Variants in FLNB observed in about 807,000 individuals in gnomAD.
FLNB encodes filamin B, also known as filamin-B.
In FLNB, 111 loss-of-function variants were observed where a neutral mutation model predicts 250.6. The observed-to-expected ratio is 0.44, with a 90% CI of 0.38 to 0.52. FLNB has a LOEUF of 0.52. Among genes scored for constraint, FLNB ranks in the 20% least tolerant of loss-of-function variants. FLNB has a pLI of 0.00. For synonymous variants in FLNB, 1,302 were observed against 1,372.1 expected, an observed-to-expected ratio of 0.95 and a Z score of 1.13; for missense variants, 2,869 against 3,447.8, an observed-to-expected ratio of 0.83 and a Z score of 4.20.
At chr3:58,055,035 G>T (rs1423170203) in intron 1 of FLNB, among the ~76,000 whole-genome samples, 2 of 152,176 alleles carry the variant, frequency 1.3e-5, no homozygotes, top group African/African-American at 4.8e-5. Flanking sequence ...GGGAGGTTGA[G>T]GTGGGCAGAT....
chr3:58,033,861 AT>A (rs918405931), intron 1 of FLNB, among the ~76,000 whole-genome samples: 1 of 151,630 alleles, frequency 6.6e-6, no homozygotes, highest in Non-Finnish European at 1.5e-5. Flanking sequence ...GTGGTTTCTT[AT>A]TTATTTATTT....
intron 1 of FLNB, among the ~76,000 whole-genome samples, chr3:58,051,886 C>A (rs751416109): frequency 6.6e-6 from 1 of 151,990 alleles, no homozygotes; most frequent in African/African-American, 2.4e-5. Flanking sequence ...GAGAGACTCG[C>A]TTTATTTTAT....
At chr3:58,026,034 G>A (rs560625811) in intron 1 of FLNB, among the ~76,000 whole-genome samples, 5 of 152,326 alleles carry the variant, frequency 3.3e-5, no homozygotes, top group South Asian at 4.1e-4. Context: ...CTTGGTAAAC[G>A]TCAGCTGCTG....
rs373993273 is a variant in FLNB at position 58,170,318 on chromosome 3, T to C, written c.7622-257T>C. On this transcript the variant is annotated intron_variant, in intron 45 of 45. Transcript: ENST00000295956. ...TGAGGTATGTGCTGTTCTCATTCCC[T>C]GTTTACAGATGGGGAAGCTGAGCTA... Among the ~76,000 whole-genome samples the C allele has an allele frequency of 3.3e-4, 51 of 152,288 alleles. No individual in the cohort carries two copies. The South Asian group carries it at 7.9e-3, about 23-fold the overall frequency.
At chr3:58,154,251 A>G (rs1326295995) in intron 39 of FLNB, among the ~76,000 whole-genome samples, 1 of 151,468 alleles carries the variant, frequency 6.6e-6, no homozygotes, top group Non-Finnish European at 1.5e-5. Context: ...GCCGGTTAAG[A>G]TGTATTCAGG....
chr3:58,157,477 G>A (rs574228432), intron 41 of FLNB, among the ~76,000 whole-genome samples: 127 of 152,280 alleles, frequency 8.3e-4, no homozygotes, highest in African/African-American at 2.8e-3. Context: ...ATTTAGAGAC[G>A]TAAACAGAAC....
chr3:58,039,284 T>A (rs762939927), intron 1 of FLNB, among the ~76,000 whole-genome samples: 6 of 151,152 alleles, frequency 4.0e-5, no homozygotes, highest in Non-Finnish European at 7.4e-5. Context: ...TGTTAATTAC[T>A]TCTCGTTGGA....
chr3:58,105,335 C>T (rs2107100086), intron 11 of FLNB, 119 bp downstream of exon 11: 1 of 1,246,616 alleles, frequency 8.0e-7, no homozygotes, highest in Non-Finnish European at 1.2e-6. Context: ...TTCCTGGCCT[C>T]CTGGCCACCC....
rs58727890 is a variant in FLNB at position 58,043,141 on chromosome 3, CTT to C, written c.293-33883_293-33882del. ...AAGTCATTTTGGTAATTTGGCATTC[CTT>C]TTTTTTTTTTTTTTTTTTTTTGAGA... On this transcript the variant is annotated intron_variant, in intron 1 of 45. Coordinates refer to ENST00000295956, the MANE Select transcript of FLNB (RefSeq NM_001457.4). 2.8e-3 allele frequency among the ~76,000 whole-genome samples: 284 copies of C among 101,978 alleles called. 1 individual carries two copies. Among genetic ancestry groups the C allele is most frequent in the East Asian group, 0.011 (34 of 2,974 alleles). The allele number at this position is 101,978 out of a possible 152,430, so 66.9% of individuals were successfully genotyped here.
At chr3:58,045,419 G>A (rs925832742) in intron 1 of FLNB, among the ~76,000 whole-genome samples, 1 of 152,094 alleles carries the variant, frequency 6.6e-6, no homozygotes, top group Non-Finnish European at 1.5e-5. Flanking sequence ...CTCTGAATGC[G>A]CCCCAACACA....
intron 1 of FLNB, among the ~76,000 whole-genome samples, chr3:58,072,197 G>C (rs564814275): frequency 5.9e-4 from 90 of 152,294 alleles, no homozygotes; most frequent in African/African-American, 2.1e-3. Context: ...TGAGGGTCAG[G>C]GTTGTCCAGA....
rs1298366979 is a variant in FLNB, at chr3:58,111,003, T to C, written c.2485-788T>C. Among the ~76,000 whole-genome samples the C allele has an allele frequency of 2.0e-5, 3 of 152,340 alleles. No individual in the cohort carries two copies. The East Asian group carries it at 5.8e-4, about 29-fold the overall frequency. On this transcript the variant is annotated intron_variant, in intron 16 of 45. Coordinates refer to ENST00000295956, the MANE Select transcript of FLNB (RefSeq NM_001457.4). ...AATTATTACCACTTTCTAACAAAAGTGAGGCAGTGTGTTCAGTGGTTAAAA... is the reference window on the plus strand; with the variant it reads ...AATTATTACCACTTTCTAACAAAAGCGAGGCAGTGTGTTCAGTGGTTAAAA...
intron 21 of FLNB, 41 bp from the exon 22 acceptor site, chr3:58,124,291 G>T: frequency 6.2e-7 from 1 of 1,611,750 alleles, no homozygotes; most frequent in Non-Finnish European, 8.5e-7. Context: ...TTTTGGGTCT[G>T]GGGTACTGGT....
At chr3:58,037,483 C>A (rs2097139761) in intron 1 of FLNB, among the ~76,000 whole-genome samples, 1 of 152,184 alleles carries the variant, frequency 6.6e-6, no homozygotes, top group Non-Finnish European at 1.5e-5. Flanking sequence ...GTTCCTTCAC[C>A]CTTGCCTCCC....
At chr3:58,134,888 G>T in intron 27 of FLNB, 116 bp downstream of exon 27, 1 of 981,892 alleles carries the variant, frequency 1.0e-6, no homozygotes, top group Non-Finnish European at 1.6e-6. Context: ...TTGTTTGTTA[G>T]ATTTTCCCAC....
chr3:58,033,671 A>G (rs1418080598), intron 1 of FLNB, among the ~76,000 whole-genome samples: 1 of 152,104 alleles, frequency 6.6e-6, no homozygotes, highest in Non-Finnish European at 1.5e-5. Context: ...GATCACAGGC[A>G]TGAGCCACTA....
intron 18 of FLNB, among the ~76,000 whole-genome samples, chr3:58,115,238 G>A (rs2097275881): frequency 6.6e-6 from 1 of 152,142 alleles, no homozygotes; most frequent in Non-Finnish European, 1.5e-5. Context: ...ACTACTGGGT[G>A]CACCACGCTG....
Position 58,123,206 on chromosome 3 carries a change from G to T in FLNB, c.3240G>T (p.Pro1080=). The change falls in exon 21 of 46, where the codon CCG becomes CCT. Residue 1080 remains proline, a synonymous_variant. Transcript: ENST00000295956. ...GTCTGGGCTTAACGGTGGAAGGTCC[G>T]TGCGAGGCCAAAATCGAGTGCTCCG... ...TGGLGLTVEG[P]CEAKIECSDN... is the part of the protein sequence containing the mutation. 1.9e-6 allele frequency: 3 copies of T among 1,613,980 alleles called. No homozygotes were observed. In the South Asian group the frequency reaches 3.3e-5, roughly 18 times the overall value.
intron 4 of FLNB, among the ~76,000 whole-genome samples, chr3:58,087,614 G>A (rs1014197459): frequency 2.8e-5 from 4 of 141,546 alleles, no homozygotes; most frequent in Admixed American, 7.1e-5. Flanking sequence ...CACCACACCC[G>A]GCTAATTTTG....
Sources: gnomAD v4.1 joint callset for allele counts (sites outside exome capture counted in the v4.1 genomes callset) on GRCh38, gnomAD v4.1.1 for gene constraint, MANE v1.5 for transcripts, NCBI Gene and HGNC (gene_info 2026-07-23, HGNC 2026-07-21) for gene names.